Variants in EML6 observed in about 807,000 individuals in gnomAD.
EML6 encodes echinoderm microtubule-associated protein-like 6.
A neutral mutation model predicts 240.1 loss-of-function variants in EML6; 154 were observed. The observed-to-expected ratio is 0.64, with a 90% CI of 0.56 to 0.73. The LOEUF is 0.73. Among genes scored for constraint, EML6 ranks in the 30% least tolerant of loss-of-function variants. The pLI is 0.00. For synonymous variants in EML6, 1,148 were observed against 899.0 expected, an observed-to-expected ratio of 1.28 and a Z score of -4.95; for missense variants, 2,964 against 2,474.6, an observed-to-expected ratio of 1.20 and a Z score of -4.20.
At chr2:54,853,486 C>T (rs12991420) in intron 10 of EML6, among the ~76,000 whole-genome samples, 157 bp from the exon 11 acceptor site, 38,287 of 151,478 alleles carry the variant, frequency 0.25, 5,071 homozygotes, top group African/African-American at 0.33. Flanking sequence ...TTTCTTTAAG[C>T]CACGCAAAAA....
chr2:54,778,924 A>G (rs959076480), intron 2 of EML6, among the ~76,000 whole-genome samples: 4 of 151,248 alleles, frequency 2.6e-5, no homozygotes, highest in Non-Finnish European at 4.4e-5. Context: ...AAAGAAGTGA[A>G]TTGTTAAATT....
intron 25 of EML6, among the ~76,000 whole-genome samples, chr2:54,911,902 C>T (rs1176616936): frequency 6.6e-6 from 1 of 152,240 alleles, no homozygotes; most frequent in Non-Finnish European, 1.5e-5. Context: ...ACTAACACCT[C>T]TTGAAAGCTA....
intron 2 of EML6, among the ~76,000 whole-genome samples, chr2:54,771,235 C>T (rs1050909910): frequency 3.9e-5 from 6 of 152,172 alleles, no homozygotes; most frequent in African/African-American, 1.4e-4. Flanking sequence ...ATCCCTAAAG[C>T]CTTTAACCTG....
At chr2:54,893,049 G>C (rs1672561151) in intron 19 of EML6, among the ~76,000 whole-genome samples, 1 of 152,170 alleles carries the variant, frequency 6.6e-6, no homozygotes, top group South Asian at 2.1e-4. Flanking sequence ...TATTGTTCCA[G>C]ACGTCCATTT....
intron 16 of EML6, among the ~76,000 whole-genome samples, chr2:54,876,440 T>C (rs940600276): frequency 2.6e-5 from 4 of 152,162 alleles, no homozygotes; most frequent in African/African-American, 9.7e-5. Context: ...AAAGGTGGTA[T>C]AACAGTGAGG....
intron 24 of EML6, among the ~76,000 whole-genome samples, chr2:54,909,795 G>T (rs1362903465): frequency 9.0e-5 from 12 of 133,668 alleles, no homozygotes; most frequent in African/African-American, 3.4e-4. Flanking sequence ...AGTGAGCCAA[G>T]ATTACACCAC....
intron 2 of EML6, among the ~76,000 whole-genome samples, chr2:54,794,898 T>C (rs1169829589): frequency 6.6e-6 from 1 of 152,216 alleles, no homozygotes; most frequent in Admixed American, 6.5e-5. Flanking sequence ...ATCTGTATGA[T>C]GGCAACTGAA....
chr2:54,836,221 G>C (rs1201984449), intron 7 of EML6, among the ~76,000 whole-genome samples: 1 of 152,178 alleles, frequency 6.6e-6, no homozygotes, highest in African/African-American at 2.4e-5. Context: ...GGCCTGGCTT[G>C]TAGTAATTCC....
intron 28 of EML6, 133 bp from the exon 29 acceptor site, chr2:54,948,749 C>T (rs1675815338): frequency 1.5e-6 from 1 of 675,794 alleles, no homozygotes; most frequent in South Asian, 1.7e-5. Flanking sequence ...CAGGACTGAA[C>T]AGATCCAAGT....
At chr2:54,958,881 G>C (rs546484816) in intron 33 of EML6, among the ~76,000 whole-genome samples, 4 of 152,148 alleles carry the variant, frequency 2.6e-5, no homozygotes, top group African/African-American at 9.6e-5. Flanking sequence ...GAAGTCAGAT[G>C]CCCAAGCCAG....
At chr2:54,834,199 C>T (rs1669016628) in intron 7 of EML6, among the ~76,000 whole-genome samples, 2 of 152,144 alleles carry the variant, frequency 1.3e-5, no homozygotes, top group African/African-American at 4.8e-5. Context: ...ACAATGAGGC[C>T]CAGGGTCATT....
intron 3 of EML6, among the ~76,000 whole-genome samples, chr2:54,816,214 C>G (rs1668075997): frequency 6.6e-6 from 1 of 152,154 alleles, no homozygotes; most frequent in South Asian, 2.1e-4. Context: ...TTTATTCTTA[C>G]TTTAAGGACA....
intron 4 of EML6, among the ~76,000 whole-genome samples, chr2:54,818,611 A>G (rs1668185336): frequency 6.6e-6 from 1 of 152,200 alleles, no homozygotes; most frequent in African/African-American, 2.4e-5. Context: ...GCTCAATTCA[A>G]CTCTGTTAAA....
At chr2:54,853,905 A>G (rs1670229428) in intron 11 of EML6, 50 bp downstream of exon 11, 2 of 1,216,960 alleles carry the variant, frequency 1.6e-6, no homozygotes, top group Middle Eastern at 2.0e-4. Flanking sequence ...TCTAAACTGT[A>G]TACAGTACAA....
chr2:54,736,599 G>A (rs1175131896), intron 2 of EML6, among the ~76,000 whole-genome samples: 2 of 151,984 alleles, frequency 1.3e-5, no homozygotes, highest in East Asian at 1.9e-4. Flanking sequence ...TTCTACTTCC[G>A]CCAGCCACTG....
rs1385789149 is a variant in EML6 at position 54,879,645 on chromosome 2, G to A, written c.2438+5G>A. The stretch of plus-strand genomic sequence containing the variant: ...AGAAAAGATAGCCACAACAAGGTAA[G>A]AAGCTGCCGGGATCTTACGGTATCC... On this transcript the variant is annotated splice_donor_5th_base_variant and intron_variant, in intron 17 of 41. Coordinates refer to ENST00000356458, the MANE Select transcript of EML6 (RefSeq NM_001039753.4). 6.6e-7 allele frequency: 1 copy of A among 1,523,482 alleles called. No homozygotes were observed. Among genetic ancestry groups the A allele is most frequent in the Admixed American group, 2.0e-5 (1 of 50,958 alleles). The allele number at this position is 1,523,482 out of a possible 1,614,324, so 94.4% of individuals were successfully genotyped here.
intron 2 of EML6, among the ~76,000 whole-genome samples, chr2:54,756,103 A>G (rs1667714867): frequency 6.6e-6 from 1 of 152,056 alleles, no homozygotes; most frequent in African/African-American, 2.4e-5. Context: ...TCTCTCATTC[A>G]GTGAGAATGC....
At chr2:54,809,089 G>A (rs778737695) in intron 2 of EML6, among the ~76,000 whole-genome samples, 15 of 152,226 alleles carry the variant, frequency 9.9e-5, no homozygotes, top group Non-Finnish European at 2.2e-4. Context: ...TTATGTAGGT[G>A]TGGAATGAGA....
intron 28 of EML6, 70 bp from the exon 29 acceptor site, chr2:54,948,812 G>A (rs886729431): frequency 1.8e-5 from 23 of 1,252,076 alleles, no homozygotes; most frequent in Non-Finnish European, 2.2e-5. Flanking sequence ...GCCTAGACAG[G>A]CCACACCGGG....
Sources: allele counts gnomAD v4.1 joint callset (sites outside exome capture counted in the v4.1 genomes callset), GRCh38; gene constraint gnomAD v4.1.1; transcripts MANE v1.5; gene names NCBI Gene and HGNC (gene_info 2026-07-23, HGNC 2026-07-21).